LIMA1: variants seen among roughly 807,000 people sequenced by gnomAD.
The protein encoded by LIMA1 is LIM domain and actin binding 1.
A neutral mutation model predicts 62.6 loss-of-function variants in LIMA1; 52 were observed. That is an observed-to-expected ratio of 0.83 (90% CI 0.67 to 1.05). LIMA1 has a LOEUF of 1.05. LIMA1 is among the 50% of genes least tolerant of loss of function. LIMA1 has a pLI of 0.00. For synonymous variants in LIMA1, 302 were observed against 317.8 expected, an observed-to-expected ratio of 0.95 and a Z score of 0.53; for missense variants, 780 against 902.2, an observed-to-expected ratio of 0.86 and a Z score of 1.74.
At chr12:50,179,422 G>T (rs1388514745) in intron 10 of LIMA1, among the ~76,000 whole-genome samples, 1 of 148,156 alleles carries the variant, frequency 6.7e-6, no homozygotes, top group Non-Finnish European at 1.5e-5. Flanking sequence ...TTACAGGCGT[G>T]AGCCACCACG....
intron 1 of LIMA1, among the ~76,000 whole-genome samples, chr12:50,265,368 A>T (rs1942127379): frequency 6.6e-6 from 1 of 151,356 alleles, no homozygotes; most frequent in African/African-American, 2.4e-5. Flanking sequence ...TAAAAATACA[A>T]AATTAGCCGG....
rs551785192 is a variant in LIMA1 at position 50,192,417 on chromosome 12, A to G, written c.1140+35T>C. On this transcript the variant is annotated intron_variant, in intron 9 of 10. Coordinates refer to ENST00000341247, the MANE Select transcript of LIMA1 (RefSeq NM_016357.5). Reference sequence around the variant, plus strand: ...TACAATTAGCTCTACCAGTAGACCAATGTCCAAAGGCTCAGAGAGAAATTG... The same window carrying G: ...TACAATTAGCTCTACCAGTAGACCAGTGTCCAAAGGCTCAGAGAGAAATTG... 5.1e-6 allele frequency: 7 copies of G among 1,373,022 alleles called. No individual in the cohort carries two copies. In the East Asian group the frequency reaches 9.1e-5, roughly 18 times the overall value. The allele number at this position is 1,373,022 out of a possible 1,614,324, so 85.1% of individuals were successfully genotyped here.
intron 9 of LIMA1, among the ~76,000 whole-genome samples, chr12:50,192,122 C>T (rs1321414213): frequency 1.4e-5 from 2 of 142,360 alleles, no homozygotes; most frequent in African/African-American, 5.4e-5. Context: ...GGTGACAGAG[C>T]GAGATTCTGT....
chr12:50,222,422 C>T lies in LIMA1; in HGVS notation c.229G>A (p.Glu77Lys). The T allele has an allele frequency of 1.2e-6, 2 of 1,614,178 alleles. No homozygotes were observed. Among genetic ancestry groups the T allele is most frequent in the Non-Finnish European group, 1.7e-6 (2 of 1,180,036 alleles). Reference sequence around the variant, plus strand: ...GACTCTGCTCCCAGCCCTGGGTTCTCCCACTTCTTCTTTAACACAGTCAGG... The same window carrying T: ...GACTCTGCTCCCAGCCCTGGGTTCTTCCACTTCTTCTTTAACACAGTCAGG... Reference protein sequence around the residue: ...GTLTVLKKKWENPGLGAESHT... With the variant: ...GTLTVLKKKWKNPGLGAESHT... The change falls in exon 4 of 11, where the codon GAG becomes AAG. Residue 77 changes from glutamate to lysine, a missense_variant. Coordinates refer to ENST00000341247, the MANE Select transcript of LIMA1 (RefSeq NM_016357.5).
intron 1 of LIMA1, among the ~76,000 whole-genome samples, chr12:50,274,651 TAA>T (rs1035694120): frequency 2.0e-5 from 3 of 151,764 alleles, no homozygotes; most frequent in Admixed American, 2.0e-4. Flanking sequence ...GCCGGACAAT[TAA>T]AGACTGTGAT....
chr12:50,193,549 A>G (rs552174416), intron 8 of LIMA1, among the ~76,000 whole-genome samples: 90 of 134,320 alleles, frequency 6.7e-4, no homozygotes, highest in Middle Eastern at 3.8e-3. Flanking sequence ...ATATATACAT[A>G]TATATCATAT....
At chr12:50,271,968 T>A (rs1322472569) in intron 1 of LIMA1, among the ~76,000 whole-genome samples, 2 of 152,136 alleles carry the variant, frequency 1.3e-5, no homozygotes, top group African/African-American at 4.8e-5. Context: ...TTCTTTACAA[T>A]CTCAAAGCAA....
chr12:50,196,587 C>G (rs939746674), intron 7 of LIMA1, among the ~76,000 whole-genome samples: 1 of 152,194 alleles, frequency 6.6e-6, no homozygotes, highest in African/African-American at 2.4e-5. Flanking sequence ...GGCCCCCATG[C>G]CTTCCTGGTA....
chr12:50,199,217 G>C lies in LIMA1; in HGVS notation c.972+1560C>G, dbSNP rs936706585. On this transcript the variant is annotated intron_variant, in intron 7 of 10. Transcript: ENST00000341247. ...ATGGTGGCACGTACCCGGAATCACAGTTACTTGGGAGGCTGCGGCAGGAGA... is the reference window on the plus strand; with the variant it reads ...ATGGTGGCACGTACCCGGAATCACACTTACTTGGGAGGCTGCGGCAGGAGA... Among the ~76,000 whole-genome samples, 226 of 152,324 alleles carry C rather than the reference G, an allele frequency of 1.5e-3. 3 individuals carry two copies. Among genetic ancestry groups the C allele is most frequent in the Admixed American group, 0.015 (225 of 15,284 alleles).
At chr12:50,198,723 C>A (rs1358000871) in intron 7 of LIMA1, among the ~76,000 whole-genome samples, 1 of 152,136 alleles carries the variant, frequency 6.6e-6, no homozygotes, top group Non-Finnish European at 1.5e-5. Context: ...TTTGAAAACC[C>A]TTTCTCCTCA....
intron 3 of LIMA1, among the ~76,000 whole-genome samples, chr12:50,228,168 C>CT (rs1398813652): frequency 6.6e-6 from 1 of 152,074 alleles, no homozygotes; most frequent in Non-Finnish European, 1.5e-5. Context: ...TGATATGGTA[C>CT]TTATCACACC....
intron 1 of LIMA1, among the ~76,000 whole-genome samples, chr12:50,251,878 G>A (rs554040041): frequency 2.0e-5 from 3 of 152,244 alleles, no homozygotes; most frequent in African/African-American, 7.2e-5. Context: ...CTTCACAGAA[G>A]CATAATGTTA....
intron 1 of LIMA1, among the ~76,000 whole-genome samples, chr12:50,270,510 T>A (rs953727579): frequency 3.5e-5 from 5 of 144,860 alleles, no homozygotes; most frequent in Admixed American, 7.4e-5. Flanking sequence ...AAGGCTGAGG[T>A]GGGAGGATTG....
Position 50,240,890 on chromosome 12 carries a change from T to G in LIMA1, c.119+7743A>C, listed in dbSNP as rs566924361. Among the ~76,000 whole-genome samples the G allele has an allele frequency of 9.9e-5, 15 of 151,384 alleles. No individual in the cohort carries two copies. The South Asian group carries it at 3.1e-3, about 32-fold the overall frequency. On this transcript the variant is annotated intron_variant, in intron 2 of 10. Coordinates refer to ENST00000341247, the MANE Select transcript of LIMA1 (RefSeq NM_016357.5). ...CGAACATTTCAGCAGTCAGAACAAA[T>G]GATAAGAGAGACTGACAAGGAAGAG...
chr12:50,193,498 C>CATATATGTGTATAT (rs1167819587), intron 8 of LIMA1, among the ~76,000 whole-genome samples: 1 of 123,090 alleles, frequency 8.1e-6, no homozygotes, highest in African/African-American at 3.1e-5. Flanking sequence ...ATATATATAT[C>CATATATGTGTATAT]ATATATGTGT....
intron 4 of LIMA1, among the ~76,000 whole-genome samples, chr12:50,210,007 T>C (rs538393313): frequency 1.3e-5 from 2 of 152,270 alleles, no homozygotes; most frequent in East Asian, 1.9e-4. Context: ...TTGCTGATCA[T>C]TAAAATAAAG....
At chr12:50,193,361 C>A (rs1311867464) in intron 8 of LIMA1, among the ~76,000 whole-genome samples, 1 of 150,698 alleles carries the variant, frequency 6.6e-6, no homozygotes, top group Non-Finnish European at 1.5e-5. Flanking sequence ...CTGTTTAATT[C>A]ATCATTCTAT....
intron 1 of LIMA1, among the ~76,000 whole-genome samples, chr12:50,271,832 G>A (rs143674140): frequency 4.6e-5 from 7 of 152,290 alleles, no homozygotes; most frequent in Non-Finnish European, 1.0e-4. Flanking sequence ...TGTTACACTA[G>A]TACTGAATTG....
At chr12:50,195,629 C>T in intron 8 of LIMA1, 1 of 414,496 alleles carries the variant, frequency 2.4e-6, no homozygotes, top group Admixed American at 4.3e-5. Context: ...TCAGTTTGTC[C>T]CAAGTTAACT....
Sources: gnomAD v4.1 joint callset for allele counts (sites outside exome capture counted in the v4.1 genomes callset) on GRCh38, gnomAD v4.1.1 for gene constraint, MANE v1.5 for transcripts, NCBI Gene and HGNC (gene_info 2026-07-23, HGNC 2026-07-21) for gene names.